Variants in GRM5 observed in about 807,000 individuals in gnomAD.
The protein encoded by GRM5 is glutamate metabotropic receptor 5.
In GRM5, 19 loss-of-function variants were observed where a neutral mutation model predicts 83.1. The observed-to-expected ratio is 0.23, with a 90% CI of 0.16 to 0.34. GRM5 has a LOEUF of 0.34. Ranked by LOEUF, GRM5 falls within the 10% of genes least tolerant of loss-of-function variation. The probability of loss-of-function intolerance (pLI) is 1.00; values close to 1 mark genes in which losing one functional copy is unlikely to be tolerated. For missense variants in GRM5, 1,160 were observed against 1,588.3 expected, an observed-to-expected ratio of 0.73 and a Z score of 4.58; for synonymous variants, 675 against 633.6, an observed-to-expected ratio of 1.07 and a Z score of -0.98.
intron 3 of GRM5, among the ~76,000 whole-genome samples, chr11:88,709,973 C>T (rs1941246242): frequency 6.6e-6 from 1 of 152,090 alleles, no homozygotes; most frequent in Non-Finnish European, 1.5e-5. Context: ...TGTTGAAGGC[C>T]CCTTTGGTTC....
intron 2 of GRM5, among the ~76,000 whole-genome samples, chr11:89,026,210 A>G (rs1358720840): frequency 6.6e-6 from 1 of 152,216 alleles, no homozygotes; most frequent in Admixed American, 6.5e-5. Context: ...CTCACTGGGT[A>G]CTATGCACAT....
intron 3 of GRM5, among the ~76,000 whole-genome samples, chr11:88,824,445 T>G (rs920480057): frequency 2.6e-5 from 4 of 152,124 alleles, no homozygotes; most frequent in African/African-American, 9.7e-5. Flanking sequence ...AAGCTGTAAA[T>G]CAGTAGCCTC....
intron 2 of GRM5, among the ~76,000 whole-genome samples, chr11:88,973,794 T>C (rs547354): frequency 0.62 from 93,287 of 151,424 alleles, 30,289 homozygotes; most frequent in African/African-American, 0.83. Context: ...TTAACATTTT[T>C]GAAACAAGAG....
intron 5 of GRM5, 122 bp downstream of exon 5, chr11:88,604,596 G>C (rs1938090040): frequency 1.2e-6 from 1 of 814,538 alleles, no homozygotes; most frequent in African/African-American, 1.7e-5. Context: ...TGGGATGTCA[G>C]GGAAGGGGAA....
intron 2 of GRM5, among the ~76,000 whole-genome samples, chr11:88,862,334 T>A (rs190656559): frequency 6.6e-6 from 1 of 152,254 alleles, no homozygotes; most frequent in Admixed American, 6.6e-5. Flanking sequence ...ATTGTTTTGT[T>A]ATATATATAT....
intron 8 of GRM5, among the ~76,000 whole-genome samples, chr11:88,566,006 G>A (rs889411468): frequency 6.6e-6 from 1 of 152,204 alleles, no homozygotes; most frequent in Non-Finnish European, 1.5e-5. Flanking sequence ...CAGGCTAAGT[G>A]ATAGTATAGG....
intron 2 of GRM5, among the ~76,000 whole-genome samples, chr11:88,875,550 A>C (rs1429419081): frequency 6.6e-6 from 1 of 152,044 alleles, no homozygotes; most frequent in Admixed American, 6.6e-5. Context: ...AATGGTAATT[A>C]AAATGTTGAA....
At chr11:89,059,392 G>A (rs1424474711) in intron 1 of GRM5, among the ~76,000 whole-genome samples, 4 of 152,112 alleles carry the variant, frequency 2.6e-5, no homozygotes, top group Non-Finnish European at 1.5e-5. Flanking sequence ...TTGAATATAT[G>A]AGAAAAGTAG....
chr11:89,038,285 A>G (rs554288211), intron 2 of GRM5, among the ~76,000 whole-genome samples: 1 of 152,282 alleles, frequency 6.6e-6, no homozygotes, highest in Admixed American at 6.5e-5. Flanking sequence ...TCCTCAATTC[A>G]ACATTTGAAT....
At chr11:89,054,585 C>T (rs1941832362) in intron 1 of GRM5, among the ~76,000 whole-genome samples, 1 of 151,954 alleles carries the variant, frequency 6.6e-6, no homozygotes, top group Non-Finnish European at 1.5e-5. Flanking sequence ...ATTAAATCAC[C>T]GAGGAAGTGG....
Position 88,508,339 on chromosome 11 carries a change from CAA to C in GRM5, c.*251_*252del. On this transcript the variant is annotated 3_prime_UTR_variant, in exon 10 of 10. Coordinates refer to ENST00000305447, the MANE Select transcript of GRM5 (RefSeq NM_001143831.3). The surrounding 1 kb of genome is among the most constrained non-coding windows in gnomAD (Gnocchi z 4.2). ...TTTGAAGAGACGCCTTGTCAGCCCTCAAAGATATCAGCCGTGTTTCTTAAAAG... is the reference window on the plus strand; with the variant it reads ...TTTGAAGAGACGCCTTGTCAGCCCTCAGATATCAGCCGTGTTTCTTAAAAG... 1 of 399,508 alleles carries C rather than the reference CAA, an allele frequency of 2.5e-6. No homozygotes were observed. 24.7% of individuals were successfully genotyped at this position (399,508 alleles called of 1,614,324 possible).
At chr11:88,722,464 T>G (rs2135396940) in intron 3 of GRM5, among the ~76,000 whole-genome samples, 1 of 152,254 alleles carries the variant, frequency 6.6e-6, no homozygotes, top group Middle Eastern at 3.4e-3. Context: ...GGAATTACTT[T>G]ATGGTAACTT....
chr11:88,722,471 A>G (rs1810431536), intron 3 of GRM5, among the ~76,000 whole-genome samples: 1 of 152,104 alleles, frequency 6.6e-6, no homozygotes, highest in South Asian at 2.1e-4. Flanking sequence ...CTTTATGGTA[A>G]CTTTTGTACA....
At chr11:88,801,040 A>G (rs1210760842) in intron 3 of GRM5, among the ~76,000 whole-genome samples, 1 of 152,272 alleles carries the variant, frequency 6.6e-6, no homozygotes, top group South Asian at 2.1e-4. Flanking sequence ...TGTTTTATAG[A>G]AATCCAAAGT....
chr11:88,719,568 G>T (rs934284059), intron 3 of GRM5, among the ~76,000 whole-genome samples: 1 of 152,042 alleles, frequency 6.6e-6, no homozygotes, highest in Admixed American at 6.6e-5. Context: ...ATATTTTGGG[G>T]TATATACCCA....
chr11:88,916,530 C>T (rs1179000785), intron 2 of GRM5, among the ~76,000 whole-genome samples: 1 of 152,060 alleles, frequency 6.6e-6, no homozygotes, highest in Admixed American at 6.6e-5. Flanking sequence ...ATGGCTAGCA[C>T]CACCACCATG....
At position 88,805,437 on chromosome 11, in the gene GRM5, G is replaced by A. The variant is rs533237284; in HGVS notation, c.911+44469C>T. On this transcript the variant is annotated intron_variant, in intron 3 of 9. Transcript: ENST00000305447. Reference sequence around the variant, plus strand: ...AATCTCTTGACCTTGTGATCCACCCGCCTTGGCCTCCCAAACTGCTGGGAT... The same window carrying A: ...AATCTCTTGACCTTGTGATCCACCCACCTTGGCCTCCCAAACTGCTGGGAT... 9.7e-4 allele frequency among the ~76,000 whole-genome samples: 147 copies of A among 152,162 alleles called. 3 individuals are homozygous for A. The South Asian group carries it at 0.025, about 25-fold the overall frequency.
chr11:88,571,301 T>C (rs1205073839), intron 7 of GRM5, among the ~76,000 whole-genome samples: 1 of 152,234 alleles, frequency 6.6e-6, no homozygotes, highest in Non-Finnish European at 1.5e-5. Flanking sequence ...TTGTCTCTAA[T>C]GTGATGTAAT....
At chr11:88,618,731 T>G (rs898583257) in intron 4 of GRM5, among the ~76,000 whole-genome samples, 1 of 152,226 alleles carries the variant, frequency 6.6e-6, no homozygotes. Context: ...ATGGTTCGTT[T>G]TATTCAAAGT....
Sources: gnomAD v4.1 joint callset for allele counts (sites outside exome capture counted in the v4.1 genomes callset) on GRCh38, gnomAD v4.1.1 for gene constraint, Gnocchi (gnomAD v3.1) non-coding constraint, MANE v1.5 for transcripts, NCBI Gene and HGNC (gene_info 2026-07-23, HGNC 2026-07-21) for gene names.